TCF7L2: variants seen among roughly 807,000 people sequenced by gnomAD.
The protein encoded by TCF7L2 is transcription factor 7 like 2, also known as transcription factor 7-like 2.
Under a neutral mutation model 77.9 loss-of-function variants are expected in TCF7L2, and 23 were observed. That is an observed-to-expected ratio of 0.30 (90% CI 0.21 to 0.42). The LOEUF is 0.42. Among genes scored for constraint, TCF7L2 ranks in the 10% least tolerant of loss-of-function variants. The pLI, the probability that TCF7L2 is intolerant of heterozygous loss-of-function variation, is 1.00. For missense variants in TCF7L2, 654 were observed against 793.1 expected, an observed-to-expected ratio of 0.82 and a Z score of 2.11; for synonymous variants, 413 against 340.2, an observed-to-expected ratio of 1.21 and a Z score of -2.36.
intron 3 of TCF7L2, among the ~76,000 whole-genome samples, chr10:112,958,734 G>A (rs146175157): frequency 4.6e-5 from 7 of 152,206 alleles, no homozygotes; most frequent in African/African-American, 1.7e-4. Flanking sequence ...GTGGGTCTTT[G>A]GGTGGGTTGG....
At position 113,165,935 on chromosome 10, in the gene TCF7L2, C is replaced by A. The variant is rs1166838736; in HGVS notation, c.1772C>A (p.Pro591His). ...CACAGCTCCCTGGCCGGGACCCAGC[C>A]CCAGCCGCTGTCGCTCGTCACCAAG... The change falls in exon 14 of 14, where the codon CCC (proline) becomes CAC (histidine). Residue 591 changes from proline to histidine, a missense_variant. Pro to His is a moderately conservative substitution (Grantham distance 77, BLOSUM62 -2). Around this residue, in one of 6 missense-constraint regions of TCF7L2, gnomAD observed 272 missense variants for 215.4 expected, o/e 1.26. Transcript: ENST00000627217. 1 of 1,550,878 alleles carries A rather than the reference C, an allele frequency of 6.4e-7. No homozygotes were observed. Among genetic ancestry groups the A allele is most frequent in the Non-Finnish European group, 8.7e-7 (1 of 1,147,060 alleles).
chr10:113,115,897 G>A (rs919135282), intron 5 of TCF7L2, among the ~76,000 whole-genome samples: 3 of 151,898 alleles, frequency 2.0e-5, no homozygotes, highest in African/African-American at 7.3e-5. Context: ...CTGCTGTCAC[G>A]TCATATTTGA....
intron 5 of TCF7L2, among the ~76,000 whole-genome samples, chr10:113,079,275 C>T (rs2059061394): frequency 6.6e-6 from 1 of 152,178 alleles, no homozygotes; most frequent in African/African-American, 2.4e-5. Context: ...TGATGATGCT[C>T]TGAAGACAGG....
At chr10:113,158,422 T>A (rs1238086023) in intron 12 of TCF7L2, among the ~76,000 whole-genome samples, 1 of 152,100 alleles carries the variant, frequency 6.6e-6, no homozygotes, top group Non-Finnish European at 1.5e-5. Flanking sequence ...GGGGCGGGGC[T>A]TAGGGGAGTA....
At chr10:113,075,267 T>C (rs1267708413) in intron 5 of TCF7L2, among the ~76,000 whole-genome samples, 1 of 152,162 alleles carries the variant, frequency 6.6e-6, no homozygotes, top group Non-Finnish European at 1.5e-5. Flanking sequence ...GAGACCAGCC[T>C]GGCCAACATG....
At chr10:113,023,794 A>G (rs1190101061) in intron 4 of TCF7L2, among the ~76,000 whole-genome samples, 1 of 151,754 alleles carries the variant, frequency 6.6e-6, no homozygotes, top group Non-Finnish European at 1.5e-5. Flanking sequence ...TCAGCCTCCC[A>G]AGTAGCTGGG....
At chr10:113,022,403 G>A (rs956898270) in intron 4 of TCF7L2, among the ~76,000 whole-genome samples, 2 of 152,160 alleles carry the variant, frequency 1.3e-5, no homozygotes, top group Non-Finnish European at 2.9e-5. Flanking sequence ...TAGAACACCC[G>A]GCCTGCAGCT....
intron 8 of TCF7L2, among the ~76,000 whole-genome samples, chr10:113,150,436 C>T (rs148218412): frequency 0.014 from 2,156 of 152,164 alleles, 21 homozygotes; most frequent in Non-Finnish European, 0.02. Context: ...GCCTCACTCT[C>T]TCCCATTCCT....
At chr10:112,964,493 T>G in intron 3 of TCF7L2, 63 bp from the exon 4 acceptor site, 1 of 1,506,224 alleles carries the variant, frequency 6.6e-7, no homozygotes, top group Non-Finnish European at 9.2e-7. Flanking sequence ...CATAAACTGC[T>G]TAAGATGTTT....
At chr10:113,133,917 C>T (rs2066990000) in intron 5 of TCF7L2, among the ~76,000 whole-genome samples, 1 of 152,196 alleles carries the variant, frequency 6.6e-6, no homozygotes, top group Non-Finnish European at 1.5e-5. Flanking sequence ...GGTTCTGCAG[C>T]AGCCCGGCCA....
chr10:113,083,294 G>A (rs1044117207), intron 5 of TCF7L2, among the ~76,000 whole-genome samples: 8 of 98,168 alleles, frequency 8.1e-5, no homozygotes, highest in African/African-American at 2.1e-4. Context: ...ACACACACAC[G>A]TGCAAGTGTG....
chr10:112,966,209 T>TATATATATATATATATATATATA lies in TCF7L2; in HGVS notation c.450+1587_450+1588insATATATATATATATATATATAAT, dbSNP rs1305413204. The stretch of plus-strand genomic sequence containing the variant: ...TTATATATATATATATATATATATA[T>TATATATATATATATATATATATA]ATTTTCTTTTCTTGATTACTTCTGC... On this transcript the variant is annotated intron_variant, in intron 4 of 13. Coordinates refer to ENST00000627217, the MANE Select transcript of TCF7L2 (RefSeq NM_001146274.2). Among the ~76,000 whole-genome samples, 28 of 131,472 alleles carry TATATATATATATATATATATATA rather than the reference T, an allele frequency of 2.1e-4. 1 individual carries two copies. Among genetic ancestry groups the TATATATATATATATATATATATA allele is most frequent in the Admixed American group, 4.4e-4 (6 of 13,620 alleles). The allele number at this position is 131,472 out of a possible 152,430, so 86.3% of individuals were successfully genotyped here.
intron 4 of TCF7L2, among the ~76,000 whole-genome samples, chr10:113,003,193 CCTGT>C (rs1467337613): frequency 6.6e-6 from 1 of 152,196 alleles, no homozygotes; most frequent in Non-Finnish European, 1.5e-5. Flanking sequence ...CCAATAAGGG[CCTGT>C]CTCTTTCCAA....
At chr10:112,973,289 C>T (rs1283870241) in intron 4 of TCF7L2, among the ~76,000 whole-genome samples, 1 of 152,162 alleles carries the variant, frequency 6.6e-6, no homozygotes, top group Non-Finnish European at 1.5e-5. Flanking sequence ...CTTGGAGAAC[C>T]ACCGGACTAG....
chr10:112,993,456 A>G (rs1211529835), intron 4 of TCF7L2, among the ~76,000 whole-genome samples: 1 of 151,576 alleles, frequency 6.6e-6, no homozygotes, highest in Non-Finnish European at 1.5e-5. Context: ...CAGTGAGCCG[A>G]GATCACACCA....
rs149947839 is a variant in TCF7L2 at position 113,061,073 on chromosome 10, C to T, written c.552+20947C>T. 7.2e-5 allele frequency among the ~76,000 whole-genome samples: 11 copies of T among 152,310 alleles called. No homozygotes were observed. In the East Asian group the frequency reaches 2.1e-3, roughly 29 times the overall value. On this transcript the variant is annotated intron_variant, in intron 5 of 13. Coordinates refer to ENST00000627217, the MANE Select transcript of TCF7L2 (RefSeq NM_001146274.2). The stretch of plus-strand genomic sequence containing the variant: ...ACTTGATGTGTGCGTTTACCCTCCT[C>T]CCTTTGAATCTGTTATTCAAATATT...
At chr10:113,010,866 A>G (rs1335282664) in intron 4 of TCF7L2, among the ~76,000 whole-genome samples, 1 of 152,132 alleles carries the variant, frequency 6.6e-6, no homozygotes, top group African/African-American at 2.4e-5. Context: ...ATACAAAAAT[A>G]TTAGCCGGGC....
chr10:112,997,724 C>A (rs561795984), intron 4 of TCF7L2, among the ~76,000 whole-genome samples: 1 of 152,290 alleles, frequency 6.6e-6, no homozygotes, highest in South Asian at 2.1e-4. Context: ...TGAGTAATTT[C>A]CATCTTAGGA....
chr10:113,083,259 GACACAC>G (rs10649541), intron 5 of TCF7L2, among the ~76,000 whole-genome samples: 81 of 143,450 alleles, frequency 5.6e-4, no homozygotes, highest in Non-Finnish European at 6.8e-4. Context: ...TATACTGATA[GACACAC>G]ACACACACAC....
Sources: gnomAD v4.1 joint callset for allele counts (sites outside exome capture counted in the v4.1 genomes callset) on GRCh38, gnomAD v4.1.1 for gene constraint, gnomAD v4.1.1 regional missense constraint, MANE v1.5 for transcripts, NCBI Gene and HGNC (gene_info 2026-07-23, HGNC 2026-07-21) for gene names.